The following POLQ variants were observed in gnomAD, a reference collection of about 807,000 sequenced individuals.
POLQ encodes the protein epididymis secretory sperm binding protein.
POLQ carries 233 observed loss-of-function variants against 259.2 expected under a neutral mutation model. That is an observed-to-expected ratio of 0.90 (90% CI 0.81 to 1.00). The LOEUF (loss-of-function observed/expected upper bound fraction) is 1.00, where lower values mean the gene tolerates loss of function less well. POLQ is among the 50% of genes least tolerant of loss of function. POLQ has a pLI of 0.00. For missense variants in POLQ, 2,871 were observed against 3,051.6 expected, an observed-to-expected ratio of 0.94 and a Z score of 1.39; for synonymous variants, 1,025 against 1,048.8, an observed-to-expected ratio of 0.98 and a Z score of 0.44.
intron 26 of POLQ, 110 bp downstream of exon 26, chr3:121,449,205 T>C (rs965786666): frequency 1.6e-6 from 1 of 628,448 alleles, no homozygotes; most frequent in Non-Finnish European, 2.9e-6. Flanking sequence ...CAATGCCTGA[T>C]GAAAACTTCT....
chr3:121,540,598 A>C (rs2048483014), intron 3 of POLQ, among the ~76,000 whole-genome samples: 1 of 152,196 alleles, frequency 6.6e-6, no homozygotes, highest in African/African-American at 2.4e-5. Flanking sequence ...AGCTTTACCT[A>C]AGCACCAATG....
At chr3:121,435,719 A>T (rs1006031080) in intron 28 of POLQ, among the ~76,000 whole-genome samples, 3 of 152,218 alleles carry the variant, frequency 2.0e-5, no homozygotes, top group African/African-American at 7.2e-5. Context: ...TTGAATACAG[A>T]AGCAGATACA....
intron 5 of POLQ, among the ~76,000 whole-genome samples, chr3:121,536,240 G>C (rs2048449847): frequency 6.6e-6 from 1 of 152,140 alleles, no homozygotes; most frequent in Non-Finnish European, 1.5e-5. Context: ...AACTATATTT[G>C]AAGAATAGGA....
chr3:121,460,691 A>G (rs1237072846), intron 24 of POLQ, among the ~76,000 whole-genome samples: 3 of 152,234 alleles, frequency 2.0e-5, no homozygotes, highest in African/African-American at 7.2e-5. Context: ...ACTGGTGTCC[A>G]ATGTGTGCAA....
chr3:121,432,462 A>G, intron 29 of POLQ, 45 bp from the exon 30 acceptor site: 1 of 1,583,786 alleles, frequency 6.3e-7, no homozygotes, highest in East Asian at 2.3e-5. Flanking sequence ...CAGTCAAAGA[A>G]TGTTTCCCAA....
chr3:121,450,061 GATCTATC>G (rs1230017094), intron 25 of POLQ, among the ~76,000 whole-genome samples: 3 of 151,968 alleles, frequency 2.0e-5, no homozygotes, highest in African/African-American at 7.2e-5. Context: ...TCAAAGCCTA[GATCTATC>G]ATTCACAAAA....
chr3:121,534,118 C>T (rs1234816089), intron 5 of POLQ, among the ~76,000 whole-genome samples: 1 of 151,140 alleles, frequency 6.6e-6, no homozygotes. Context: ...CCTCGTGATC[C>T]ACCCACCTCA....
At chr3:121,441,849 G>A (rs572914498) in intron 26 of POLQ, among the ~76,000 whole-genome samples, 73 of 152,278 alleles carry the variant, frequency 4.8e-4, no homozygotes, top group African/African-American at 1.7e-3. Flanking sequence ...ACAAATAAAT[G>A]AACAACGTAA....
chr3:121,501,337 G>A (rs1223216001), intron 12 of POLQ, among the ~76,000 whole-genome samples: 2 of 151,692 alleles, frequency 1.3e-5, no homozygotes, highest in African/African-American at 4.8e-5. Flanking sequence ...AACAAAACCC[G>A]AGAAAATTTT....
intron 2 of POLQ, 113 bp downstream of exon 2, chr3:121,544,614 T>C (rs757908293): frequency 1.6e-6 from 1 of 622,478 alleles, no homozygotes; most frequent in African/African-American, 1.9e-5. Context: ...CGATTTTCTC[T>C]AGTTATAAAG....
chr3:121,442,835 A>G (rs572841758), intron 26 of POLQ, among the ~76,000 whole-genome samples: 2 of 152,068 alleles, frequency 1.3e-5, no homozygotes, highest in African/African-American at 4.8e-5. Context: ...GGATCATATG[A>G]TAGCTCTATT....
chr3:121,445,071 TG>T (rs556102938), intron 26 of POLQ, among the ~76,000 whole-genome samples: 71 of 152,332 alleles, frequency 4.7e-4, no homozygotes, highest in African/African-American at 1.7e-3. Flanking sequence ...TTTGTTTGTT[TG>T]TTTCGATATG....
chr3:121,454,035 G>A (rs993808255), intron 25 of POLQ, among the ~76,000 whole-genome samples: 36 of 152,116 alleles, frequency 2.4e-4, no homozygotes, highest in African/African-American at 7.0e-4. Flanking sequence ...CGGATCTCTC[G>A]GCAGAAACTC....
chr3:121,449,271 A>G (rs371791860), intron 26 of POLQ, 44 bp downstream of exon 26: 5 of 964,750 alleles, frequency 5.2e-6, no homozygotes, highest in African/African-American at 1.6e-5. Context: ...AAAATATAAT[A>G]TGGTAAGATG....
intron 9 of POLQ, among the ~76,000 whole-genome samples, chr3:121,516,265 T>C (rs1479409767): frequency 6.6e-6 from 1 of 152,182 alleles, no homozygotes; most frequent in East Asian, 1.9e-4. Context: ...AATTTGTCAA[T>C]ATCCAATTTT....
chr3:121,449,294 A>G, intron 26 of POLQ, 21 bp downstream of exon 26: 12 of 1,135,210 alleles, frequency 1.1e-5, no homozygotes, highest in Non-Finnish European at 1.5e-5. Context: ...TGAAAAGAAT[A>G]CTATCTAGAA....
chr3:121,450,945 T>C (rs2047670250), intron 25 of POLQ, among the ~76,000 whole-genome samples: 1 of 150,806 alleles, frequency 6.6e-6, no homozygotes, highest in Non-Finnish European at 1.5e-5. Context: ...GTAGATTTGG[T>C]CTTTTCACAT....
chr3:121,456,068 C>A lies in POLQ; in HGVS notation c.7152+3982G>T, dbSNP rs548563108. Among the ~76,000 whole-genome samples the A allele has an allele frequency of 3.3e-3, 500 of 152,240 alleles. 4 individuals are homozygous for A. Among genetic ancestry groups the A allele is most frequent in the African/African-American group, 0.011 (475 of 41,520 alleles). ...TGGGCTTCATCCCTGGGATGCAAGG[C>A]TGGTTCAATATACACAAATCAATAA... is the stretch of plus-strand genomic sequence containing the variant. On this transcript the variant is annotated intron_variant, in intron 25 of 29. Coordinates refer to ENST00000264233, the MANE Select transcript of POLQ (RefSeq NM_199420.4).
At chr3:121,446,088 T>G (rs1446852993) in intron 26 of POLQ, among the ~76,000 whole-genome samples, 2 of 152,170 alleles carry the variant, frequency 1.3e-5, no homozygotes, top group African/African-American at 4.8e-5. Flanking sequence ...GCTATAAACT[T>G]CCTTCTTAGC....
Sources: allele counts gnomAD v4.1 joint callset (sites outside exome capture counted in the v4.1 genomes callset), GRCh38; gene constraint gnomAD v4.1.1; transcripts MANE v1.5; gene names NCBI Gene and HGNC (gene_info 2026-07-23, HGNC 2026-07-21).